QKI: variants seen among roughly 807,000 people sequenced by gnomAD.
QKI encodes the protein KH domain-containing RNA-binding protein QKI.
Under a neutral mutation model 39.0 loss-of-function variants are expected in QKI, and 10 were observed. The observed-to-expected ratio is 0.26, with a 90% CI of 0.16 to 0.43. The LOEUF (loss-of-function observed/expected upper bound fraction) is 0.43. Ranked by LOEUF, QKI falls within the 20% of genes least tolerant of loss-of-function variation. The pLI is 1.00. For synonymous variants in QKI, 204 were observed against 155.4 expected (o/e 1.31, Z -2.33); for missense variants, 218 against 428.0 (o/e 0.51, Z 4.33).
intron 6 of QKI, chr6:163,566,412 A>C: frequency 8.1e-7 from 1 of 1,239,626 alleles, no homozygotes; most frequent in Non-Finnish European, 1.0e-6. Context: ...CACTTCAGTG[A>C]ATATGTGACT....
At chr6:163,511,273 T>C (rs1199932564) in intron 3 of QKI, among the ~76,000 whole-genome samples, 1 of 152,004 alleles carries the variant, frequency 6.6e-6, no homozygotes, top group Non-Finnish European at 1.5e-5. Flanking sequence ...TATGTTGGAA[T>C]AAAACTACAA....
chr6:163,461,628 C>G (rs140226958), intron 2 of QKI, among the ~76,000 whole-genome samples: 164 of 152,270 alleles, frequency 1.1e-3, no homozygotes, highest in African/African-American at 3.9e-3. Flanking sequence ...TCTTAAGATT[C>G]TTGCTGAAAT....
chr6:163,441,260 C>G (rs927909566), intron 1 of QKI, among the ~76,000 whole-genome samples: 1 of 152,124 alleles, frequency 6.6e-6, no homozygotes, highest in East Asian at 1.9e-4. Context: ...TTCTAAACTT[C>G]TCAAGTCCAG....
chr6:163,564,327 G>A (rs1385068669), intron 6 of QKI: 10 of 1,019,058 alleles, frequency 9.8e-6, no homozygotes, highest in African/African-American at 3.3e-5. Flanking sequence ...AGATGATATC[G>A]TTTACTACAC....
chr6:163,464,647 A>G (rs894136123), intron 2 of QKI, among the ~76,000 whole-genome samples: 2 of 152,166 alleles, frequency 1.3e-5, no homozygotes, highest in Non-Finnish European at 2.9e-5. Flanking sequence ...GAAGGAACAG[A>G]AAGTCTGAAC....
intron 2 of QKI, among the ~76,000 whole-genome samples, chr6:163,474,497 T>A (rs1312334105): frequency 6.6e-6 from 1 of 152,084 alleles, no homozygotes; most frequent in East Asian, 1.9e-4. Context: ...CAATTATATG[T>A]TCATATACCA....
intron 4 of QKI, among the ~76,000 whole-genome samples, chr6:163,549,141 A>C (rs995333505): frequency 2.6e-5 from 4 of 152,130 alleles, no homozygotes; most frequent in African/African-American, 9.7e-5. Flanking sequence ...GCGGCAGGAA[A>C]GAGAATGAGT....
intron 2 of QKI, among the ~76,000 whole-genome samples, chr6:163,460,455 T>TA (rs1020795062): frequency 2.0e-5 from 3 of 152,350 alleles, no homozygotes; most frequent in Admixed American, 2.0e-4. Flanking sequence ...GTCTCTCTTA[T>TA]AATAATACAT....
intron 3 of QKI, among the ~76,000 whole-genome samples, chr6:163,498,693 T>G (rs1470660200): frequency 6.6e-6 from 1 of 152,176 alleles, no homozygotes; most frequent in Non-Finnish European, 1.5e-5. Context: ...TACACTAGTT[T>G]TTAGAAATAA....
Position 163,478,059 on chromosome 6 carries a change from C to A in QKI, c.286-721C>A, listed in dbSNP as rs537200885. Among the ~76,000 whole-genome samples the A allele has an allele frequency of 2.0e-5, 3 of 151,970 alleles. No individual in the cohort carries two copies. The East Asian group carries it at 5.8e-4, about 29-fold the overall frequency. ...AAAATTTACTTTTCACGATTTAGCC[C>A]GTTTTTCCTATTGGCTTTAAAGAAA... is the stretch of plus-strand genomic sequence containing the variant. On this transcript the variant is annotated intron_variant, in intron 2 of 7. Transcript: ENST00000361752.
intron 2 of QKI, among the ~76,000 whole-genome samples, chr6:163,458,935 C>G (rs905488732): frequency 2.0e-5 from 3 of 152,160 alleles, no homozygotes; most frequent in African/African-American, 7.2e-5. Flanking sequence ...GTTTTGAATT[C>G]TGGCTTATCC....
intron 2 of QKI, among the ~76,000 whole-genome samples, chr6:163,459,807 G>T (rs936578483): frequency 6.6e-6 from 1 of 152,128 alleles, no homozygotes; most frequent in African/African-American, 2.4e-5. Context: ...TTAAATTATT[G>T]AAGACTTTAA....
At chr6:163,513,072 A>G (rs1247452364) in intron 3 of QKI, among the ~76,000 whole-genome samples, 1 of 152,036 alleles carries the variant, frequency 6.6e-6, no homozygotes, top group Non-Finnish European at 1.5e-5. Context: ...ACTCTATTTT[A>G]TTGTTGTTCA....
At chr6:163,495,220 A>G (rs576697259) in intron 3 of QKI, among the ~76,000 whole-genome samples, 1 of 152,240 alleles carries the variant, frequency 6.6e-6, no homozygotes, top group Non-Finnish European at 1.5e-5. Flanking sequence ...TGGCCTAAAT[A>G]AGGTGTCTTT....
At position 163,503,221 on chromosome 6, in the gene QKI, A is replaced by G. The variant is rs528831662; in HGVS notation, c.402+24325A>G. Among the ~76,000 whole-genome samples the G allele has an allele frequency of 4.7e-5, 7 of 150,130 alleles. No individual in the cohort carries two copies. The East Asian group carries it at 7.8e-4, about 17-fold the overall frequency. On this transcript the variant is annotated intron_variant, in intron 3 of 7. Transcript: ENST00000361752. ...GGTCTCAAACTCATGAGCTCAGGCA[A>G]TCCACCTGCCTCTGCCTCCCAAAGT... is the stretch of plus-strand genomic sequence containing the variant.
intron 1 of QKI, among the ~76,000 whole-genome samples, chr6:163,421,870 G>A (rs1006030750): frequency 4.6e-5 from 7 of 151,400 alleles, no homozygotes; most frequent in Admixed American, 2.6e-4. Flanking sequence ...TCAGCCTCCC[G>A]AGTAGCTGGG....
chr6:163,534,866 T>C, intron 3 of QKI, 116 bp from the exon 4 acceptor site: 2 of 847,174 alleles, frequency 2.4e-6, no homozygotes, highest in South Asian at 3.3e-5. Context: ...ACTTGTGCCA[T>C]CATAGCAAAA....
At chr6:163,416,988 T>C (rs893677160) in intron 1 of QKI, among the ~76,000 whole-genome samples, 1 of 152,196 alleles carries the variant, frequency 6.6e-6, no homozygotes, top group Non-Finnish European at 1.5e-5. Flanking sequence ...GCGCCAGTTA[T>C]TTTTTAACCA....
At chr6:163,546,751 T>TA (rs1395893758) in intron 4 of QKI, among the ~76,000 whole-genome samples, 4 of 152,068 alleles carry the variant, frequency 2.6e-5, no homozygotes, top group Non-Finnish European at 5.9e-5. Context: ...TGGTAGCTCA[T>TA]TATAGCTTTA....
Sources: allele counts gnomAD v4.1 joint callset (sites outside exome capture counted in the v4.1 genomes callset), GRCh38; gene constraint gnomAD v4.1.1; transcripts MANE v1.5; gene names NCBI Gene and HGNC (gene_info 2026-07-23, HGNC 2026-07-21).